The following ANGPT1 variants were observed in gnomAD, a reference collection of about 807,000 sequenced individuals.
ANGPT1 encodes the protein angiopoietin 1, also known as angiopoietin-1.
A neutral mutation model predicts 62.2 loss-of-function variants in ANGPT1; 17 were observed. The observed-to-expected ratio is 0.27, with a 90% CI of 0.19 to 0.41. ANGPT1 has a LOEUF of 0.41. ANGPT1 is among the 10% of genes least tolerant of loss of function. ANGPT1 has a pLI of 1.00. For missense variants in ANGPT1, 478 were observed against 594.9 expected (o/e 0.80, Z 2.04); for synonymous variants, 199 against 198.9 (o/e 1.00, Z 0.00).
intron 7 of ANGPT1, among the ~76,000 whole-genome samples, chr8:107,278,078 CTT>C (rs780803754): frequency 2.1e-4 from 29 of 140,244 alleles, no homozygotes; most frequent in Admixed American, 2.9e-4. Context: ...CTTTTCTTTT[CTT>C]TTTTTTTTTT....
At chr8:107,446,636 T>C (rs1811629668) in intron 1 of ANGPT1, among the ~76,000 whole-genome samples, 1 of 152,228 alleles carries the variant, frequency 6.6e-6, no homozygotes, top group Admixed American at 6.5e-5. Context: ...GGCTTAGCTA[T>C]GGCTAAGCAG....
chr8:107,306,045 T>C (rs1814707440), intron 4 of ANGPT1, among the ~76,000 whole-genome samples: 1 of 152,046 alleles, frequency 6.6e-6, no homozygotes. Flanking sequence ...GAGATGGGTG[T>C]ATGAATTACC....
At chr8:107,328,383 T>A (rs540578605) in intron 3 of ANGPT1, among the ~76,000 whole-genome samples, 7 of 151,994 alleles carry the variant, frequency 4.6e-5, no homozygotes, top group Non-Finnish European at 1.0e-4. Context: ...GCATAGATAC[T>A]ATAAGTAAAT....
chr8:107,377,734 T>C lies in ANGPT1; in HGVS notation c.298-30637A>G, dbSNP rs1237321347. ...AATGTTACATCACAAGTAAGCAGTG[T>C]AGATAAAATTTGAACCTGAAAATCC... On this transcript the variant is annotated intron_variant, in intron 1 of 8. Transcript: ENST00000517746. 3.9e-5 allele frequency among the ~76,000 whole-genome samples: 6 copies of C among 152,144 alleles called. No individual in the cohort carries two copies. In the East Asian group the frequency reaches 1.2e-3, roughly 29 times the overall value.
chr8:107,445,165 A>T (rs1811584436), intron 1 of ANGPT1, among the ~76,000 whole-genome samples: 1 of 152,200 alleles, frequency 6.6e-6, no homozygotes, highest in Non-Finnish European at 1.5e-5. Flanking sequence ...AATCTTTTCT[A>T]TTGGAGGCAA....
At chr8:107,483,357 T>C (rs1457786005) in intron 1 of ANGPT1, among the ~76,000 whole-genome samples, 1 of 152,180 alleles carries the variant, frequency 6.6e-6, no homozygotes, top group Admixed American at 6.5e-5. Flanking sequence ...AGAGCTTTCC[T>C]TGTTGAAGGC....
Position 107,439,115 on chromosome 8 carries a change from A to G in ANGPT1, c.297+58147T>C, listed in dbSNP as rs111827322. Among the ~76,000 whole-genome samples the G allele has an allele frequency of 5.0e-3, 754 of 152,290 alleles. 6 individuals carry two copies. Among genetic ancestry groups the G allele is most frequent in the African/African-American group, 0.017 (717 of 41,558 alleles). On this transcript the variant is annotated intron_variant, in intron 1 of 8. Coordinates refer to ENST00000517746, the MANE Select transcript of ANGPT1 (RefSeq NM_001146.5). ...AGAAAAAAAGAAAGTTTAGATACAT[A>G]TTAGTCACTCAGACTTATAGGAAAT...
At chr8:107,324,026 G>A (rs1424755063) in intron 3 of ANGPT1, among the ~76,000 whole-genome samples, 3 of 151,458 alleles carry the variant, frequency 2.0e-5, no homozygotes, top group African/African-American at 7.3e-5. Flanking sequence ...TGATCTGCCC[G>A]CCTCGGCCTC....
chr8:107,301,038 T>C (rs1814575406), intron 5 of ANGPT1, among the ~76,000 whole-genome samples: 1 of 151,896 alleles, frequency 6.6e-6, no homozygotes, highest in African/African-American at 2.4e-5. Context: ...CATCTCATAA[T>C]GTTTCAAACT....
chr8:107,434,309 C>A (rs1015920844), intron 1 of ANGPT1, among the ~76,000 whole-genome samples: 37 of 151,994 alleles, frequency 2.4e-4, no homozygotes, highest in Non-Finnish European at 2.4e-4. Flanking sequence ...AGGAATGAAA[C>A]AGGAAAAGGA....
At chr8:107,481,362 A>C (rs1586359366) in intron 1 of ANGPT1, among the ~76,000 whole-genome samples, 1 of 151,630 alleles carries the variant, frequency 6.6e-6, no homozygotes, top group South Asian at 2.1e-4. Context: ...GTGAAAGCCC[A>C]TCTCTACTAA....
intron 1 of ANGPT1, among the ~76,000 whole-genome samples, chr8:107,449,240 A>G (rs991784093): frequency 6.6e-6 from 1 of 152,056 alleles, no homozygotes; most frequent in African/African-American, 2.4e-5. Flanking sequence ...AGAATAAAAC[A>G]CAGACACCCC....
rs141029929 is a variant in ANGPT1, at chr8:107,321,934, G to T, written c.770C>A (p.Thr257Lys). 22,058 of 1,613,972 alleles carry T rather than the reference G, an allele frequency of 0.014. 217 individuals are homozygous for T. The highest frequency in any genetic ancestry group is 0.015 in the Non-Finnish European group (17,724 of 1,179,860). The change falls in exon 4 of 9, where the codon ACA (threonine) becomes AAA (lysine). Residue 257 changes from threonine to lysine, a missense_variant. Transcript: ENST00000517746. ...GCAAAGATTGACAAGGTTGTGGACT[G>T]TGTCCATCAGCTCCAGTTGCTGCTT... ...LQKQQLELMD[T>K]VHNLVNLCTK... is the part of the protein sequence containing the mutation.
intron 1 of ANGPT1, among the ~76,000 whole-genome samples, chr8:107,406,663 G>A (rs1029278570): frequency 2.0e-5 from 3 of 151,934 alleles, no homozygotes; most frequent in African/African-American, 7.2e-5. Flanking sequence ...ATCCTGATGT[G>A]TTGTGAGCGT....
At chr8:107,307,994 GTTAA>G (rs757087859) in intron 4 of ANGPT1, among the ~76,000 whole-genome samples, 7 of 152,056 alleles carry the variant, frequency 4.6e-5, no homozygotes, top group Non-Finnish European at 7.4e-5. Flanking sequence ...TAATTAAAGT[GTTAA>G]TTTTTTTCTA....
At chr8:107,477,186 C>G (rs931227744) in intron 1 of ANGPT1, among the ~76,000 whole-genome samples, 1 of 152,154 alleles carries the variant, frequency 6.6e-6, no homozygotes, top group Admixed American at 6.6e-5. Flanking sequence ...ACCTATCACA[C>G]CTACTCATTC....
chr8:107,413,814 C>T (rs767360984), intron 1 of ANGPT1, among the ~76,000 whole-genome samples: 20 of 151,412 alleles, frequency 1.3e-4, no homozygotes, highest in Non-Finnish European at 2.7e-4. Flanking sequence ...CACATTAGAG[C>T]GGGAAAGAAA....
At chr8:107,310,742 A>G (rs1158553287) in intron 4 of ANGPT1, among the ~76,000 whole-genome samples, 3 of 152,090 alleles carry the variant, frequency 2.0e-5, no homozygotes, top group African/African-American at 7.2e-5. Context: ...GCCATATTGG[A>G]TTTTATCATG....
At chr8:107,328,295 G>A (rs948092247) in intron 3 of ANGPT1, among the ~76,000 whole-genome samples, 7 of 151,964 alleles carry the variant, frequency 4.6e-5, no homozygotes, top group Middle Eastern at 6.8e-3. Context: ...TATACTTTAC[G>A]TGTCTAATTG....
Sources: allele counts gnomAD v4.1 joint callset (sites outside exome capture counted in the v4.1 genomes callset), GRCh38; gene constraint gnomAD v4.1.1; transcripts MANE v1.5; gene names NCBI Gene and HGNC (gene_info 2026-07-23, HGNC 2026-07-21).